TMTC1: variants seen among roughly 807,000 people sequenced by gnomAD.
The protein encoded by TMTC1 is transmembrane O-mannosyltransferase targeting cadherins 1, also known as protein O-mannosyl-transferase TMTC1.
Under a neutral mutation model 104.8 loss-of-function variants are expected in TMTC1, and 73 were observed. That is an observed-to-expected ratio of 0.70 (90% CI 0.58 to 0.85). TMTC1 has a LOEUF of 0.85. Among genes scored for constraint, TMTC1 ranks in the 40% least tolerant of loss-of-function variants. The probability of loss-of-function intolerance (pLI) is 0.00; values close to 1 mark genes in which losing one functional copy is unlikely to be tolerated. For missense variants in TMTC1, 1,035 were observed against 1,096.1 expected (o/e 0.94, Z 0.79); for synonymous variants, 434 against 428.7 (o/e 1.01, Z -0.15).
At chr12:29,665,625 A>G (rs115563810) in intron 5 of TMTC1, among the ~76,000 whole-genome samples, 2,324 of 152,312 alleles carry the variant, frequency 0.015, 44 homozygotes, top group African/African-American at 0.053. Context: ...CACGTCAATA[A>G]ATAATTGATC....
Position 29,703,369 on chromosome 12 carries a change from G to C in TMTC1, c.938+48297C>G, listed in dbSNP as rs138416273. On this transcript the variant is annotated intron_variant, in intron 5 of 17. Transcript: ENST00000539277. ...AATTGATGAAGCTCAGAAAAAGCTT[G>C]AGGTATATGTTATTATCAAGAGAAG... Among the ~76,000 whole-genome samples the C allele has an allele frequency of 6.0e-3, 915 of 152,266 alleles. 9 individuals carry two copies. Among genetic ancestry groups the C allele is most frequent in the African/African-American group, 0.021 (872 of 41,548 alleles).
At chr12:29,735,609 G>A (rs1439281323) in intron 5 of TMTC1, among the ~76,000 whole-genome samples, 1 of 152,166 alleles carries the variant, frequency 6.6e-6, no homozygotes, top group Non-Finnish European at 1.5e-5. Context: ...AAATTCTTGT[G>A]AAAGTATACT....
chr12:29,610,952 T>C (rs189769256), intron 6 of TMTC1, among the ~76,000 whole-genome samples: 228 of 152,250 alleles, frequency 1.5e-3, no homozygotes, highest in Non-Finnish European at 2.9e-3. Flanking sequence ...AGTAAATTTT[T>C]AAAAGGGGAA....
At chr12:29,583,299 T>A in intron 8 of TMTC1, 108 bp downstream of exon 8, 1 of 1,000,142 alleles carries the variant, frequency 1.0e-6, no homozygotes, top group Non-Finnish European at 1.4e-6. Context: ...TTAAAGATAA[T>A]TTTCCTTAGT....
At chr12:29,667,850 G>A (rs1565753868) in intron 5 of TMTC1, among the ~76,000 whole-genome samples, 2 of 152,132 alleles carry the variant, frequency 1.3e-5, no homozygotes, top group Non-Finnish European at 2.9e-5. Flanking sequence ...CCATTTAATA[G>A]GCACTAATCA....
intron 9 of TMTC1, among the ~76,000 whole-genome samples, chr12:29,565,215 T>C (rs1355171720): frequency 1.3e-5 from 2 of 152,154 alleles, no homozygotes; most frequent in African/African-American, 4.8e-5. Context: ...GGGAAGTCTG[T>C]CTTTTTCTGT....
At position 29,537,190 on chromosome 12, in the gene TMTC1, G is replaced by A. The variant is rs114533190; in HGVS notation, c.1677-873C>T. ...CATTGTAATTGTGCAATGAAAAAGAGAATCCTTTGCACTATACCAAGGACA... is the reference window on the plus strand; with the variant it reads ...CATTGTAATTGTGCAATGAAAAAGAAAATCCTTTGCACTATACCAAGGACA... On this transcript the variant is annotated intron_variant, in intron 10 of 17. Coordinates refer to ENST00000539277, the MANE Select transcript of TMTC1 (RefSeq NM_001193451.2). Among the ~76,000 whole-genome samples the A allele has an allele frequency of 6.9e-3, 1,056 of 152,288 alleles. 17 individuals are homozygous for A. The highest frequency in any genetic ancestry group is 0.024 in the African/African-American group (985 of 41,558).
intron 5 of TMTC1, among the ~76,000 whole-genome samples, chr12:29,699,814 C>G (rs1441429150): frequency 1.3e-5 from 2 of 151,556 alleles, no homozygotes; most frequent in East Asian, 3.9e-4. Flanking sequence ...TAATTTTTTA[C>G]TTTTATTTTG....
chr12:29,597,579 C>T (rs945897454), intron 7 of TMTC1, among the ~76,000 whole-genome samples: 1 of 151,494 alleles, frequency 6.6e-6, no homozygotes, highest in Non-Finnish European at 1.5e-5. Flanking sequence ...CTCCACTGGC[C>T]CATCCTACTG....
At chr12:29,577,806 A>T (rs1945865787) in intron 8 of TMTC1, among the ~76,000 whole-genome samples, 1 of 152,186 alleles carries the variant, frequency 6.6e-6, no homozygotes, top group South Asian at 2.1e-4. Flanking sequence ...TTAAAAAGCA[A>T]CTAAAATGTA....
chr12:29,562,741 T>C (rs2136276951), intron 9 of TMTC1, among the ~76,000 whole-genome samples: 1 of 152,348 alleles, frequency 6.6e-6, no homozygotes, highest in South Asian at 2.1e-4. Flanking sequence ...TCTCTGTGAA[T>C]AAATGGGCTT....
Position 29,651,264 on chromosome 12 carries a change from T to TA in TMTC1, c.939-17929dup, listed in dbSNP as rs532531713. The stretch of plus-strand genomic sequence containing the variant: ...AAAAGACAGCCATATCATTTAGAGA[T>TA]ATAGTATGCTGAAATAATGATGACT... On this transcript the variant is annotated intron_variant, in intron 5 of 17. Coordinates refer to ENST00000539277, the MANE Select transcript of TMTC1 (RefSeq NM_001193451.2). 1.6e-4 allele frequency among the ~76,000 whole-genome samples: 24 copies of TA among 152,314 alleles called. No individual in the cohort carries two copies. The East Asian group carries it at 4.6e-3, about 29-fold the overall frequency.
intron 1 of TMTC1, among the ~76,000 whole-genome samples, chr12:29,774,676 T>C (rs559100733): frequency 6.6e-6 from 1 of 152,322 alleles, no homozygotes; most frequent in East Asian, 1.9e-4. Flanking sequence ...TCTTAGATCA[T>C]TCAACCAATA....
At chr12:29,717,756 G>T (rs1043941270) in intron 5 of TMTC1, among the ~76,000 whole-genome samples, 6 of 151,982 alleles carry the variant, frequency 3.9e-5, no homozygotes, top group African/African-American at 1.2e-4. Flanking sequence ...AATTATTAAG[G>T]GAATTTCAAA....
intron 11 of TMTC1, chr12:29,530,048 C>G (rs1944457190): frequency 6.6e-6 from 1 of 152,206 alleles, no homozygotes; most frequent in South Asian, 2.1e-4. Flanking sequence ...ATAATTGCAG[C>G]TTCCTGATAC....
chr12:29,612,045 C>T (rs541688914), intron 6 of TMTC1, among the ~76,000 whole-genome samples: 67 of 152,218 alleles, frequency 4.4e-4, no homozygotes, highest in Middle Eastern at 6.8e-3. Context: ...GAAGCAAGGG[C>T]TTCAAACTGA....
rs550924293 is a variant in TMTC1, at chr12:29,555,901, C to G, written c.1676+956G>C. Among the ~76,000 whole-genome samples, 4 of 149,966 alleles carry G rather than the reference C, an allele frequency of 2.7e-5. No individual in the cohort carries two copies. In the East Asian group the frequency reaches 7.9e-4, roughly 30 times the overall value. ...TCCAGATCCTTGAGGAATCACCACA[C>G]TGTCTTCCACAATGGTTGAACTAAC... is the stretch of plus-strand genomic sequence containing the variant. On this transcript the variant is annotated intron_variant, in intron 10 of 17. Coordinates refer to ENST00000539277, the MANE Select transcript of TMTC1 (RefSeq NM_001193451.2).
rs1943702232 is a variant in TMTC1 at position 29,506,761 on chromosome 12, C to T, written c.*85G>A. 1.3e-6 allele frequency: 2 copies of T among 1,517,750 alleles called. No homozygotes were observed. The highest frequency in any genetic ancestry group is 2.7e-5 in the African/African-American group (2 of 72,992). The allele number at this position is 1,517,750 out of a possible 1,614,324, so 94.0% of individuals were successfully genotyped here. A position where few individuals can be genotyped will look rare whatever the true frequency, so the allele number is the denominator to read the frequency against. ...ATGAGAGAAAATCTCATTAGTTGTG[C>T]CCCTGCTGATGTGAAAGCAAGGCTT... is the stretch of plus-strand genomic sequence containing the variant. On this transcript the variant is annotated 3_prime_UTR_variant, in exon 18 of 18. Coordinates refer to ENST00000539277, the MANE Select transcript of TMTC1 (RefSeq NM_001193451.2).
chr12:29,714,097 T>G (rs1329368989), intron 5 of TMTC1, among the ~76,000 whole-genome samples: 2 of 152,208 alleles, frequency 1.3e-5, no homozygotes, highest in Non-Finnish European at 2.9e-5. Context: ...CTTCCCAGCC[T>G]GAAGAACTGT....
Sources: allele counts gnomAD v4.1 joint callset (sites outside exome capture counted in the v4.1 genomes callset), GRCh38; gene constraint gnomAD v4.1.1; transcripts MANE v1.5; gene names NCBI Gene and HGNC (gene_info 2026-07-23, HGNC 2026-07-21).